The following TUBGCP6 variants were observed in gnomAD, a reference collection of about 807,000 sequenced individuals.
TUBGCP6 encodes the protein gamma-tubulin complex component 6.
Under a neutral mutation model 175.8 loss-of-function variants are expected in TUBGCP6, and 161 were observed. The ratio of observed to expected loss-of-function variants is 0.92; its 90% CI spans 0.81 to 1.04. The LOEUF is 1.04. TUBGCP6 is among the 50% of genes least tolerant of loss of function. The pLI, the probability that TUBGCP6 is intolerant of heterozygous loss-of-function variation, is 0.00. For missense variants in TUBGCP6, 2,572 were observed against 2,433.0 expected, an observed-to-expected ratio of 1.06 and a Z score of -1.20; for synonymous variants, 1,173 against 1,030.5, an observed-to-expected ratio of 1.14 and a Z score of -2.65.
In TUBGCP6 at chr22:50,229,432, G is replaced by A. The variant is rs150294995; in HGVS notation, c.1262C>T (p.Ser421Phe). The A allele has an allele frequency of 9.2e-5, 149 of 1,613,662 alleles. 1 individual carries two copies. The African/African-American group carries it at 1.7e-3, about 18-fold the overall frequency. ...GAACACGAGGCCCTTGCTGTACAAA[G>A]AGTCCAGGACGGGCTGCAGAGAGAA... ...SHFSLQPVLD[S>F]LYSKGLVFQA... The change falls in exon 4 of 25, where the codon TCT becomes TTT. Residue 421 changes from serine (S) to phenylalanine (F), a missense_variant. Physicochemically the swap from Ser to Phe is radical, Grantham distance 155 (BLOSUM62 -2). Coordinates refer to ENST00000248846, the MANE Select transcript of TUBGCP6 (RefSeq NM_020461.4).
rs535590396 is a variant in TUBGCP6, at chr22:50,240,315, T to C, written c.794A>G (p.Asn265Ser). The C allele has an allele frequency of 1.7e-5, 28 of 1,613,854 alleles. 1 individual carries two copies. Among genetic ancestry groups the C allele is most frequent in the Admixed American group, 5.0e-5 (3 of 59,990 alleles). ...CTCAGACTGGGAATCAGGAGTCAAG[T>C]TGGACGCTGACTGGAATCCTTCGTC... ...WEDEGFQSAS[N>S]LTPDSQSEPS... Residue 265 changes from asparagine to serine, a missense_variant, in exon 2 of 25, where the codon AAC becomes AGC. By Grantham distance (46) the Asn-to-Ser change is conservative (BLOSUM62 1). Coordinates refer to ENST00000248846, the MANE Select transcript of TUBGCP6 (RefSeq NM_020461.4).
At chr22:50,219,479 G>T (rs377078103) in intron 18 of TUBGCP6, 23 bp from the exon 19 acceptor site, 1 of 1,593,606 alleles carries the variant, frequency 6.3e-7, no homozygotes, top group African/African-American at 1.3e-5. Context: ...GAGCACGCAC[G>T]TGCTGGGAAC....
intron 7 of TUBGCP6, 132 bp from the exon 8 acceptor site, chr22:50,226,510 G>C (rs1372317571): frequency 3.7e-6 from 3 of 809,538 alleles, no homozygotes; most frequent in Non-Finnish European, 6.1e-6. Context: ...GAGAGGTGGA[G>C]TGGGGTGTGG....
chr22:50,243,214 C>T (rs575790879), intron 1 of TUBGCP6, among the ~76,000 whole-genome samples: 16 of 152,252 alleles, frequency 1.1e-4, no homozygotes, highest in African/African-American at 3.9e-4. Flanking sequence ...CTTTGGGAGG[C>T]CGAGGCAGGC....
rs1303716262 is a variant in TUBGCP6 at position 50,221,762 on chromosome 22, G to C, written c.2597C>G (p.Pro866Arg). 1 of 1,515,078 alleles carries C rather than the reference G, an allele frequency of 6.6e-7. No homozygotes were observed. The highest frequency in any genetic ancestry group is 8.8e-7 in the Non-Finnish European group (1 of 1,132,380). 93.9% of individuals were successfully genotyped at this position (1,515,078 alleles called of 1,614,324 possible). The change falls in exon 16 of 25, where the codon CCA (proline) becomes CGA (arginine). Residue 866 changes from proline to arginine, a missense_variant. Pro to Arg is a moderately radical substitution (Grantham distance 103). Transcript: ENST00000248846. ...CACTGCTAGAGGCTTAAGGGGCTGT[G>C]GGGTCAGCAGGCCTGGCCTGTTCCA... Reference protein sequence around the residue: ...DGWNRPGLLTPQPLKPLAVGA... With the variant: ...DGWNRPGLLTRQPLKPLAVGA...
In TUBGCP6 at chr22:50,224,379, G is replaced by A. The variant is rs563123708; in HGVS notation, c.2107C>T (p.Arg703Cys). 3 of 1,614,172 alleles carry A rather than the reference G, an allele frequency of 1.9e-6. No homozygotes were observed. Among genetic ancestry groups the A allele is most frequent in the African/African-American group, 1.3e-5 (1 of 75,036 alleles). Residue 703 changes from arginine to cysteine, a missense_variant, in exon 12 of 25, where the codon CGT becomes TGT. Physicochemically the swap from Arg to Cys is radical, Grantham distance 180. Coordinates refer to ENST00000248846, the MANE Select transcript of TUBGCP6 (RefSeq NM_020461.4). ...SERMALDARK[R>C]EQFQRLKEQF... ...TCTTTCAGCCTCTGAAACTGCTCAC[G>A]CTTCCGGGCATCCAAGGCCATCCGT...
rs1440797887 is a variant in TUBGCP6, at chr22:50,225,953, G to A, written c.1834-10C>T. On this transcript the variant is annotated splice_polypyrimidine_tract_variant and intron_variant, in intron 9 of 24. Coordinates refer to ENST00000248846, the MANE Select transcript of TUBGCP6 (RefSeq NM_020461.4). The stretch of plus-strand genomic sequence containing the variant: ...ACCAACAGAGGTAATGCTGCCAAAG[G>A]GGATGCAAGCACAGCCACCAGCACT... 2 of 1,613,412 alleles carry A rather than the reference G, an allele frequency of 1.2e-6. No homozygotes were observed. Among genetic ancestry groups the A allele is most frequent in the African/African-American group, 2.7e-5 (2 of 74,924 alleles).
intron 13 of TUBGCP6, chr22:50,222,842 T>C: frequency 4.1e-6 from 2 of 492,286 alleles, no homozygotes; most frequent in Non-Finnish European, 7.3e-6. Context: ...CAACATCTGC[T>C]GGACAAATAC....
In TUBGCP6 at chr22:50,227,002, G is replaced by A; in HGVS notation, c.1488C>T (p.Pro496=). ...TCGGGPRAAF[P]TGVKLLSYLY... The stretch of plus-strand genomic sequence containing the variant: ...TCGGCAGGGACGCACAACTCACGGT[G>A]GGAAACGCGGCCCTGGGGCCTCCTC... The change falls in exon 6 of 25, where the codon CCC becomes CCT. Residue 496 remains proline (P), a synonymous_variant. Transcript: ENST00000248846. The A allele has an allele frequency of 1.2e-6, 2 of 1,611,780 alleles. No homozygotes were observed. Among genetic ancestry groups the A allele is most frequent in the Non-Finnish European group, 8.5e-7 (1 of 1,179,354 alleles).
intron 1 of TUBGCP6, among the ~76,000 whole-genome samples, chr22:50,242,680 A>G (rs2064854851): frequency 6.6e-6 from 1 of 152,274 alleles, no homozygotes; most frequent in South Asian, 2.1e-4. Flanking sequence ...GTAAAGCCTC[A>G]GGCGACAGAC....
rs963857602 is a variant in TUBGCP6, at chr22:50,220,307, G to A, written c.4052C>T (p.Ala1351Val). Residue 1351 changes from alanine (A) to valine (V), a missense_variant, in exon 16 of 25, where the codon GCT (alanine) becomes GTT (valine). Coordinates refer to ENST00000248846, the MANE Select transcript of TUBGCP6 (RefSeq NM_020461.4). The stretch of plus-strand genomic sequence containing the variant: ...GTTGGGCCACCATGGTTGGGTGGGA[G>A]CCACGTCTGACACGTTCTCCCCCAC... ...ISVGENVSDV[A>V]PTQPWWPNTP... The A allele has an allele frequency of 7.6e-6, 12 of 1,577,394 alleles. No homozygotes were observed. Among genetic ancestry groups the A allele is most frequent in the Non-Finnish European group, 1.0e-5 (12 of 1,157,358 alleles).
chr22:50,218,955 C>A, intron 20 of TUBGCP6, 58 bp from the exon 21 acceptor site: 1 of 1,584,730 alleles, frequency 6.3e-7, no homozygotes, highest in Non-Finnish European at 8.6e-7. Flanking sequence ...TGGCACTCGC[C>A]GGCACCCCAT....
chr22:50,244,164 G>C lies in TUBGCP6; in HGVS notation c.296C>G (p.Ala99Gly). 1 of 1,613,378 alleles carries C rather than the reference G, an allele frequency of 6.2e-7. No homozygotes were observed. The highest frequency in any genetic ancestry group is 1.1e-5 in the South Asian group (1 of 91,086). Residue 99 changes from alanine (A) to glycine (G), a missense_variant, in exon 1 of 25, where the codon GCC (alanine) becomes GGC (glycine). Transcript: ENST00000248846. ...LEELVEELEA[A>G]PCCPLLEVGS... is the part of the protein sequence containing the mutation. ...CACCTCCAAAAGCGGACAGCAAGGG[G>C]CTGCTTCCAGCTCCTCCACAAGCTC...
chr22:50,234,065 T>G (rs1310137888), intron 2 of TUBGCP6, among the ~76,000 whole-genome samples: 5 of 140,882 alleles, frequency 3.5e-5, no homozygotes, highest in Non-Finnish European at 7.7e-5. Context: ...CCACACCCCC[T>G]GTCCATGGCA....
rs1279677910 is a variant in TUBGCP6 at position 50,220,380 on chromosome 22, G to A, written c.3979C>T (p.Pro1327Ser). 5.1e-6 allele frequency: 8 copies of A among 1,568,394 alleles called. No individual in the cohort carries two copies. Among genetic ancestry groups the A allele is most frequent in the African/African-American group, 1.4e-5 (1 of 73,990 alleles). The stretch of plus-strand genomic sequence containing the variant: ...CCCGAGCTGGGGGAGGACAGAGATG[G>A]CCCCACTTCTACAGGCAGCCGTGGC... The part of the protein sequence containing the change: ...CGPRLPVEVG[P>S]SLSSPSSGCG... Residue 1327 changes from proline to serine, a missense_variant, in exon 16 of 25, where the codon CCA becomes TCA. Pro to Ser is a moderately conservative substitution (Grantham distance 74). Transcript: ENST00000248846.
At chr22:50,227,158 C>A (rs532659384) in intron 5 of TUBGCP6, 81 bp from the exon 6 acceptor site, 1 of 1,309,778 alleles carries the variant, frequency 7.6e-7, no homozygotes, top group East Asian at 2.5e-5. Context: ...AAAGTCTCCA[C>A]GTATCTTTAT....
intron 2 of TUBGCP6, among the ~76,000 whole-genome samples, chr22:50,234,300 A>AGG (rs2064733891): frequency 1.4e-5 from 1 of 72,146 alleles, no homozygotes; most frequent in Non-Finnish European, 2.6e-5. Context: ...ACCCACACCC[A>AGG]CCCATGGCAG....
chr22:50,217,879 T>C (rs1555906319), intron 24 of TUBGCP6, 39 bp downstream of exon 24: 18 of 1,606,368 alleles, frequency 1.1e-5, no homozygotes, highest in Non-Finnish European at 1.5e-5. Flanking sequence ...AGCCCCGCCC[T>C]GGCCCCCCCG....
At position 50,226,387 on chromosome 22, in the gene TUBGCP6, G is replaced by A; in HGVS notation, c.1602-9C>T. The A allele has an allele frequency of 6.3e-7, 1 of 1,596,734 alleles. No individual in the cohort carries two copies. Among genetic ancestry groups the A allele is most frequent in the African/African-American group, 1.3e-5 (1 of 74,794 alleles). On this transcript the variant is annotated splice_polypyrimidine_tract_variant and intron_variant, in intron 7 of 24. Coordinates refer to ENST00000248846, the MANE Select transcript of TUBGCP6 (RefSeq NM_020461.4). ...CCCAGTCGTGGATGAACCTGCAGTG[G>A]GGGAAAAGCAGGGGTAGATGTGGTC...
Sources: gnomAD v4.1 joint callset for allele counts (sites outside exome capture counted in the v4.1 genomes callset) on GRCh38, gnomAD v4.1.1 for gene constraint, MANE v1.5 for transcripts, NCBI Gene and HGNC (gene_info 2026-07-23, HGNC 2026-07-21) for gene names.